Variants in MYOF observed in about 807,000 individuals in gnomAD.
MYOF encodes myoferlin, also known as fer-1-like 3, myoferlin.
Under a neutral mutation model 284.2 loss-of-function variants are expected in MYOF, and 244 were observed. That is an observed-to-expected ratio of 0.86 (90% CI 0.77 to 0.95). The LOEUF is 0.95. Among genes scored for constraint, MYOF ranks in the 40% least tolerant of loss-of-function variants. MYOF has a pLI of 0.00. For missense variants in MYOF, 2,496 were observed against 2,560.6 expected (o/e 0.97, Z 0.54); for synonymous variants, 904 against 919.7 (o/e 0.98, Z 0.31).
At chr10:93,376,208 G>A (rs1845827951) in intron 22 of MYOF, among the ~76,000 whole-genome samples, 1 of 152,182 alleles carries the variant, frequency 6.6e-6, no homozygotes, top group Non-Finnish European at 1.5e-5. Flanking sequence ...ATTACCAAAT[G>A]TTTCTGTTTG....
intron 1 of MYOF, among the ~76,000 whole-genome samples, chr10:93,473,614 G>A (rs569889262): frequency 6.6e-6 from 1 of 152,224 alleles, no homozygotes; most frequent in Non-Finnish European, 1.5e-5. Flanking sequence ...GAGGAGAGGG[G>A]AGCTGACATG....
intron 5 of MYOF, chr10:93,425,820 T>G (rs1439234442): frequency 1.9e-6 from 1 of 530,464 alleles, no homozygotes; most frequent in African/African-American, 1.9e-5. Context: ...AGCCGGCATG[T>G]GCTTTTTGTG....
At chr10:93,337,605 G>A (rs1042925286) in intron 40 of MYOF, 29 of 495,548 alleles carry the variant, frequency 5.9e-5, no homozygotes, top group East Asian at 3.5e-4. Flanking sequence ...TGGCAGTCAC[G>A]TAACCATAAC....
At chr10:93,482,040 A>G in intron 1 of MYOF, 67 bp downstream of exon 1, 1 of 1,448,278 alleles carries the variant, frequency 6.9e-7, no homozygotes, top group Non-Finnish European at 9.7e-7. Flanking sequence ...AGACTTTTCA[A>G]GAAGGTGACT....
chr10:93,311,586 C>CT (rs1470573170), intron 51 of MYOF, among the ~76,000 whole-genome samples: 2 of 58,730 alleles, frequency 3.4e-5, no homozygotes, highest in African/African-American at 1.3e-4. Flanking sequence ...GAGACTTCAT[C>CT]TCTAAAAAAA....
At chr10:93,408,936 G>A (rs767174729) in intron 6 of MYOF, 21 bp from the exon 7 acceptor site, 1 of 1,613,402 alleles carries the variant, frequency 6.2e-7, no homozygotes, top group East Asian at 2.2e-5. Context: ...GAAGGGGGAT[G>A]GTTACCCAAC....
At chr10:93,400,696 C>T (rs978978824) in intron 12 of MYOF, among the ~76,000 whole-genome samples, 9 of 152,150 alleles carry the variant, frequency 5.9e-5, no homozygotes, top group Middle Eastern at 3.4e-3. Context: ...GGAGGCTGGG[C>T]CATCAGCAGT....
chr10:93,416,710 G>T (rs1848137822), intron 5 of MYOF, among the ~76,000 whole-genome samples: 1 of 150,310 alleles, frequency 6.7e-6, no homozygotes, highest in Non-Finnish European at 1.5e-5. Flanking sequence ...GGATTCTCCA[G>T]CCTCAATCTC....
At chr10:93,469,682 T>C (rs372215962) in intron 1 of MYOF, among the ~76,000 whole-genome samples, 3 of 152,094 alleles carry the variant, frequency 2.0e-5, no homozygotes, top group Non-Finnish European at 4.4e-5. Flanking sequence ...TTGCCAGCAA[T>C]GTGGGCTGAG....
chr10:93,471,034 CT>C (rs2057136214), intron 1 of MYOF, among the ~76,000 whole-genome samples: 1 of 151,922 alleles, frequency 6.6e-6, no homozygotes, highest in African/African-American at 2.4e-5. Flanking sequence ...AATTTATAAG[CT>C]GCACTATTGA....
intron 25 of MYOF, among the ~76,000 whole-genome samples, chr10:93,367,317 T>C (rs1487798822): frequency 6.6e-6 from 1 of 152,226 alleles, no homozygotes. Flanking sequence ...TGGGTGTCCA[T>C]GTTTGGATCC....
intron 2 of MYOF, among the ~76,000 whole-genome samples, chr10:93,455,101 T>A (rs1263783916): frequency 3.4e-5 from 5 of 147,270 alleles, no homozygotes; most frequent in Non-Finnish European, 5.9e-5. Context: ...ACCAGCCTGA[T>A]CAACATGGAG....
chr10:93,478,370 G>A (rs1159736646), intron 1 of MYOF: 4 of 171,722 alleles, frequency 2.3e-5, no homozygotes, highest in Non-Finnish European at 4.9e-5. Context: ...CTGGCTCATG[G>A]AACCTGGTGT....
At chr10:93,409,502 A>T in intron 6 of MYOF, 71 bp downstream of exon 6, 2 of 1,540,328 alleles carry the variant, frequency 1.3e-6, no homozygotes, top group Admixed American at 1.9e-5. Context: ...CCACTGAAAC[A>T]TCACTGCAAT....
At chr10:93,418,206 C>T (rs989051769) in intron 5 of MYOF, among the ~76,000 whole-genome samples, 2 of 152,070 alleles carry the variant, frequency 1.3e-5, no homozygotes, top group Non-Finnish European at 2.9e-5. Flanking sequence ...ATTGCCCAAG[C>T]ACAACAAAGG....
chr10:93,414,022 G>A (rs145604019), intron 5 of MYOF, among the ~76,000 whole-genome samples: 1 of 152,062 alleles, frequency 6.6e-6, no homozygotes, highest in African/African-American at 2.4e-5. Flanking sequence ...AGAAAAGAAA[G>A]AAATGTATTC....
At chr10:93,438,993 G>A (rs915581970) in intron 3 of MYOF, among the ~76,000 whole-genome samples, 1 of 152,136 alleles carries the variant, frequency 6.6e-6, no homozygotes, top group Non-Finnish European at 1.5e-5. Context: ...ATCCTCAACC[G>A]TGATTCCCAA....
Position 93,482,289 on chromosome 10 carries a change from C to A in MYOF, c.-95G>T, listed in dbSNP as rs774172548. On this transcript the variant is annotated 5_prime_UTR_variant, in exon 1 of 54. Coordinates refer to ENST00000359263, the MANE Select transcript of MYOF (RefSeq NM_013451.4). ...CACCGCCCTGGGAGAGAAGTTCTCT[C>A]CCAGTGAAGGGAGGATTTCTCCCAG... The A allele has an allele frequency of 1.5e-4, 155 of 1,053,598 alleles. No individual in the cohort carries two copies. Among genetic ancestry groups the A allele is most frequent in the Non-Finnish European group, 2.2e-4 (151 of 701,064 alleles). 65.3% of individuals were successfully genotyped at this position (1,053,598 alleles called of 1,614,324 possible). A position where few individuals can be genotyped will look rare whatever the true frequency, so the allele number is the denominator to read the frequency against.
At position 93,347,699 on chromosome 10, in the gene MYOF, G is replaced by A. The variant is rs368288987; in HGVS notation, c.4167C>T (p.Val1389=). The A allele has an allele frequency of 6.2e-7, 1 of 1,614,144 alleles. No individual in the cohort carries two copies. Among genetic ancestry groups the A allele is most frequent in the Non-Finnish European group, 8.5e-7 (1 of 1,180,026 alleles). The change falls in exon 37 of 54, where the codon GTC becomes GTT. Residue 1389 remains valine (V), a synonymous_variant. Coordinates refer to ENST00000359263, the MANE Select transcript of MYOF (RefSeq NM_013451.4). ...CCAGGCGCTCGATGGTGCACTGGCC[G>A]ACGACAGGCTTCCGCCCAAACTGCC... is the stretch of plus-strand genomic sequence containing the variant. The part of the protein sequence containing the change: ...DHRQFGRKPV[V]GQCTIERLDR...
Sources: gnomAD v4.1 joint callset for allele counts (sites outside exome capture counted in the v4.1 genomes callset) on GRCh38, gnomAD v4.1.1 for gene constraint, MANE v1.5 for transcripts, NCBI Gene and HGNC (gene_info 2026-07-23, HGNC 2026-07-21) for gene names.